The following DYNLL2 variants were observed in gnomAD, a reference collection of about 807,000 sequenced individuals.
The protein encoded by DYNLL2 is dynein light chain 2, cytoplasmic.
DYNLL2 carries 1 observed loss-of-function variant against 9.7 expected under a neutral mutation model. The ratio of observed to expected loss-of-function variants is 0.10; its 90% CI spans 0.04 to 0.49. DYNLL2 has a LOEUF of 0.49. Among genes scored for constraint, DYNLL2 ranks in the 20% least tolerant of loss-of-function variants. DYNLL2 has a pLI of 0.95. For synonymous variants in DYNLL2, 35 were observed against 40.5 expected (o/e 0.86, Z 0.52); for missense variants, 37 against 115.2 (o/e 0.32, Z 3.11).
rs1040891191 is a variant in DYNLL2 at position 58,086,584 on chromosome 17, C to G, written c.-9-498C>G. Among the ~76,000 whole-genome samples, 7 of 152,314 alleles carry G rather than the reference C, an allele frequency of 4.6e-5. No individual in the cohort carries two copies. In the South Asian group the frequency reaches 1.5e-3, roughly 32 times the overall value. ...GACCAGGAGTCAGGCCTACTGAGTC[C>G]TAGTCCAGCTTCTTTCTGCTATGAT... On this transcript the variant is annotated intron_variant, in intron 1 of 2. Coordinates refer to ENST00000579991, the MANE Select transcript of DYNLL2 (RefSeq NM_080677.3).
At position 58,091,010 on chromosome 17, in the gene DYNLL2, GT is replaced by G; in HGVS notation, c.*1732del. 1 of 152,048 alleles carries G rather than the reference GT, an allele frequency of 6.6e-6. No homozygotes were observed. The highest frequency in any genetic ancestry group is 2.4e-5 in the African/African-American group (1 of 41,398). 9.4% of individuals were successfully genotyped at this position (152,048 alleles called of 1,614,324 possible). On this transcript the variant is annotated 3_prime_UTR_variant, in exon 3 of 3. Transcript: ENST00000579991. ...TGAGTTCCCTTTATCAAACCCTTCA[GT>G]GGGCACAAAATTGAGTGCTTGATTT...
chr17:58,094,764 TTCC>T lies in DYNLL2; in HGVS notation c.*5486_*5488del, dbSNP rs1458974529. On this transcript the variant is annotated 3_prime_UTR_variant, in exon 3 of 3. Transcript: ENST00000579991. ...TGTACCCATTTGCAGTCACTTGCCA[TTCC>T]CTCTTCTCCCCAGCCCTGGGAAACC... 1 of 152,256 alleles carries T rather than the reference TTCC, an allele frequency of 6.6e-6. No individual in the cohort carries two copies. The highest frequency in any genetic ancestry group is 1.5e-5 in the Non-Finnish European group (1 of 68,040). The allele number at this position is 152,256 out of a possible 1,614,324, so 9.4% of individuals were successfully genotyped here.
At chr17:58,087,294 G>A in intron 2 of DYNLL2, 72 bp downstream of exon 2, 1 of 1,586,308 alleles carries the variant, frequency 6.3e-7, no homozygotes, top group African/African-American at 1.3e-5. Context: ...AGGGAGATCT[G>A]GAGCTGGGGA....
chr17:58,083,738 G>A (rs2075745623), intron 1 of DYNLL2, 55 bp downstream of exon 1: 1 of 152,176 alleles, frequency 6.6e-6, no homozygotes, highest in Admixed American at 6.5e-5. Context: ...CGTCGCGTGC[G>A]ACTCTACACG....
rs997989816 is a variant in DYNLL2 at position 58,094,582 on chromosome 17, T to G, written c.*5303T>G. On this transcript the variant is annotated 3_prime_UTR_variant, in exon 3 of 3. Coordinates refer to ENST00000579991, the MANE Select transcript of DYNLL2 (RefSeq NM_080677.3). ...TTTGATTTGCAGTGGCAGAGAGGAC[T>G]AATTTTTTACTAGGTTCTGAGCCCT... The G allele has an allele frequency of 6.6e-6, 1 of 152,270 alleles. No individual in the cohort carries two copies. Among genetic ancestry groups the G allele is most frequent in the African/African-American group, 2.4e-5 (1 of 41,454 alleles). 9.4% of individuals were successfully genotyped at this position (152,270 alleles called of 1,614,324 possible).
chr17:58,090,129 T>C lies in DYNLL2; in HGVS notation c.*850T>C, dbSNP rs2075774776. 7.7e-6 allele frequency: 3 copies of C among 388,478 alleles called. No homozygotes were observed. The highest frequency in any genetic ancestry group is 1.4e-5 in the Non-Finnish European group (3 of 220,256). The allele number at this position is 388,478 out of a possible 1,614,324, so 24.1% of individuals were successfully genotyped here. A position where few individuals can be genotyped will look rare whatever the true frequency, so the allele number is the denominator to read the frequency against. On this transcript the variant is annotated 3_prime_UTR_variant, in exon 3 of 3. Transcript: ENST00000579991. ...CTCTTAGAGCAGCCCCTGTTGTTAG[T>C]TGGCTGGCAAGGGAATTTCTGGTGA...
rs1269485738 is a variant in DYNLL2, at chr17:58,093,235, G to C, written c.*3956G>C. ...TGAAGAGAATGGCTGCCTTAGGCAC[G>C]GCTCTCCTTGCTGCCCAAGCCTTGC... On this transcript the variant is annotated 3_prime_UTR_variant, in exon 3 of 3. Coordinates refer to ENST00000579991, the MANE Select transcript of DYNLL2 (RefSeq NM_080677.3). 2 of 152,214 alleles carry C rather than the reference G, an allele frequency of 1.3e-5. No individual in the cohort carries two copies. Among genetic ancestry groups the C allele is most frequent in the Admixed American group, 6.5e-5 (1 of 15,282 alleles). 9.4% of individuals were successfully genotyped at this position (152,214 alleles called of 1,614,324 possible).
rs142935353 is a variant in DYNLL2, at chr17:58,093,990, A to G, written c.*4711A>G. ...GTGCCAATATAGAGGTTCATAAGAA[A>G]GATAAAAGAGAACCAGCAGAACCCC... is the stretch of plus-strand genomic sequence containing the variant. On this transcript the variant is annotated 3_prime_UTR_variant, in exon 3 of 3. Transcript: ENST00000579991. 8.9e-3 allele frequency: 1,359 copies of G among 152,336 alleles called. 9 individuals carry two copies. The highest frequency in any genetic ancestry group is 0.019 in the Admixed American group (290 of 15,300). 9.4% of individuals were successfully genotyped at this position (152,336 alleles called of 1,614,324 possible).
At chr17:58,086,009 T>A (rs2075758668) in intron 1 of DYNLL2, among the ~76,000 whole-genome samples, 1 of 152,148 alleles carries the variant, frequency 6.6e-6, no homozygotes, top group Non-Finnish European at 1.5e-5. Flanking sequence ...TCAAAAATTA[T>A]ATTGGGCTTT....
chr17:58,093,239 C>G lies in DYNLL2; in HGVS notation c.*3960C>G, dbSNP rs969695140. ...GAGAATGGCTGCCTTAGGCACGGCT[C>G]TCCTTGCTGCCCAAGCCTTGCCACC... On this transcript the variant is annotated 3_prime_UTR_variant, in exon 3 of 3. Transcript: ENST00000579991. The G allele has an allele frequency of 6.6e-6, 1 of 152,232 alleles. No individual in the cohort carries two copies. Among genetic ancestry groups the G allele is most frequent in the African/African-American group, 2.4e-5 (1 of 41,458 alleles). 9.4% of individuals were successfully genotyped at this position (152,232 alleles called of 1,614,324 possible). A position where few individuals can be genotyped will look rare whatever the true frequency, so the allele number is the denominator to read the frequency against.
Position 58,093,941 on chromosome 17 carries a change from T to G in DYNLL2, c.*4662T>G, listed in dbSNP as rs2075789242. The G allele has an allele frequency of 6.6e-6, 1 of 152,192 alleles. No homozygotes were observed. The highest frequency in any genetic ancestry group is 2.4e-5 in the African/African-American group (1 of 41,442). 9.4% of individuals were successfully genotyped at this position (152,192 alleles called of 1,614,324 possible). The stretch of plus-strand genomic sequence containing the variant: ...TGGTGTCCACATCAATGTGCGTGAA[T>G]ACTCCTACCCACAGACTGCTACTGT... On this transcript the variant is annotated 3_prime_UTR_variant, in exon 3 of 3. Transcript: ENST00000579991.
intron 1 of DYNLL2, among the ~76,000 whole-genome samples, chr17:58,083,905 G>A (rs888939905): frequency 6.6e-6 from 1 of 151,228 alleles, no homozygotes; most frequent in Non-Finnish European, 1.5e-5. Context: ...GCCACCCTTT[G>A]CCCCGGCCAC....
chr17:58,087,313 A>G, intron 2 of DYNLL2, 91 bp downstream of exon 2: 1 of 1,553,686 alleles, frequency 6.4e-7, no homozygotes, highest in East Asian at 2.3e-5. Flanking sequence ...GACATAAGAA[A>G]GCCCGTATAT....
chr17:58,088,485 G>T (rs1043751211), intron 2 of DYNLL2, among the ~76,000 whole-genome samples: 14 of 152,220 alleles, frequency 9.2e-5, no homozygotes, highest in African/African-American at 2.9e-4. Flanking sequence ...CCACAAGGTA[G>T]TAGGGAGCTG....
intron 2 of DYNLL2, among the ~76,000 whole-genome samples, 194 bp from the exon 3 acceptor site, chr17:58,088,945 TTAA>T (rs1291560762): frequency 6.6e-6 from 1 of 152,020 alleles, no homozygotes; most frequent in Non-Finnish European, 1.5e-5. Flanking sequence ...TGTTCCATTA[TTAA>T]TGAGGGGAAG....
At chr17:58,083,900 C>T (rs939172162) in intron 1 of DYNLL2, among the ~76,000 whole-genome samples, 3 of 151,578 alleles carry the variant, frequency 2.0e-5, no homozygotes, top group Admixed American at 6.6e-5. Context: ...GCTGCGCCAC[C>T]CTTTGCCCCG....
intron 2 of DYNLL2, among the ~76,000 whole-genome samples, chr17:58,087,438 G>A (rs965387798): frequency 3.3e-5 from 5 of 152,156 alleles, no homozygotes. Flanking sequence ...GTGTGTGTGT[G>A]TGTGTGTGTA....
chr17:58,085,983 C>G (rs957819930), intron 1 of DYNLL2, among the ~76,000 whole-genome samples: 5 of 152,150 alleles, frequency 3.3e-5, no homozygotes, highest in Non-Finnish European at 5.9e-5. Context: ...GAAGCTGGGT[C>G]CAAAATCTAG....
At position 58,086,922 on chromosome 17, in the gene DYNLL2, C is replaced by T. The variant is rs558021896; in HGVS notation, c.-9-160C>T. On this transcript the variant is annotated intron_variant, in intron 1 of 2. Coordinates refer to ENST00000579991, the MANE Select transcript of DYNLL2 (RefSeq NM_080677.3). ...TCCCAGGGTGGGAACAATGTCTCTG[C>T]CAAAGCTTAGGGGCTCCCTCTCCTA... 3.9e-5 allele frequency among the ~76,000 whole-genome samples: 6 copies of T among 152,304 alleles called. No individual in the cohort carries two copies. In the South Asian group the frequency reaches 1.2e-3, roughly 32 times the overall value.
Sources: allele counts gnomAD v4.1 joint callset (sites outside exome capture counted in the v4.1 genomes callset), GRCh38; gene constraint gnomAD v4.1.1; transcripts MANE v1.5; gene names NCBI Gene and HGNC (gene_info 2026-07-23, HGNC 2026-07-21).